PLXNA2: variants seen among roughly 807,000 people sequenced by gnomAD.
PLXNA2 encodes plexin-A2.
PLXNA2 carries 91 observed loss-of-function variants against 193.5 expected under a neutral mutation model. That is an observed-to-expected ratio of 0.47 (90% CI 0.40 to 0.56). The LOEUF (loss-of-function observed/expected upper bound fraction) is 0.56, where lower values mean the gene tolerates loss of function less well. PLXNA2 is among the 20% of genes least tolerant of loss of function. The probability of loss-of-function intolerance (pLI) is 0.00; values close to 1 mark genes in which losing one functional copy is unlikely to be tolerated. For missense variants in PLXNA2, 1,995 were observed against 2,503.2 expected, an observed-to-expected ratio of 0.80 and a Z score of 4.33; for synonymous variants, 997 against 1,027.3, an observed-to-expected ratio of 0.97 and a Z score of 0.56.
At chr1:208,040,808 G>T (rs1664843595) in intron 22 of PLXNA2, among the ~76,000 whole-genome samples, 1 of 152,244 alleles carries the variant, frequency 6.6e-6, no homozygotes, top group South Asian at 2.1e-4. Context: ...GTGCTTAAGT[G>T]TTTTGCCAAC....
intron 18 of PLXNA2, among the ~76,000 whole-genome samples, chr1:208,045,543 T>C (rs1303923486): frequency 6.6e-6 from 1 of 152,208 alleles, no homozygotes; most frequent in Non-Finnish European, 1.5e-5. Flanking sequence ...TGCCAGGGAC[T>C]GTGACCTCTG....
intron 12 of PLXNA2, among the ~76,000 whole-genome samples, chr1:208,066,665 T>TAA (rs35157125): frequency 1.3e-5 from 2 of 151,880 alleles, no homozygotes; most frequent in Admixed American, 6.6e-5. Context: ...TCTACTTATT[T>TAA]AAAAAAAGCT....
At chr1:208,130,583 G>T (rs1473663674) in intron 4 of PLXNA2, among the ~76,000 whole-genome samples, 1 of 152,182 alleles carries the variant, frequency 6.6e-6, no homozygotes, top group Non-Finnish European at 1.5e-5. Flanking sequence ...CAATGTCATT[G>T]CCGCAAGGGG....
intron 3 of PLXNA2, among the ~76,000 whole-genome samples, chr1:208,203,409 G>A (rs369753333): frequency 2.0e-5 from 3 of 152,136 alleles, no homozygotes; most frequent in South Asian, 2.1e-4. Context: ...TCAGATGGGC[G>A]GTCTCAGGTC....
Position 208,217,094 on chromosome 1 carries a change from T to G in PLXNA2, c.829A>C (p.Thr277Pro). ...TTGCAGAGCCGCACGATGCGTGAGG[T>G]GTAGAAGAGGTCTCCAGCGGAGTTG... is the stretch of plus-strand genomic sequence containing the variant. ...AINSAGDLFYTSRIVRLCKDD... is the reference protein window; with the variant it reads ...AINSAGDLFYPSRIVRLCKDD... The change falls in exon 2 of 32, where the codon ACC (threonine) becomes CCC (proline). Residue 277 changes from threonine (T) to proline (P), a missense_variant. By Grantham distance (38) the Thr-to-Pro change is conservative (BLOSUM62 -1). Transcript: ENST00000367033. The surrounding 1 kb of genome is among the most constrained non-coding windows in gnomAD (Gnocchi z 4.7). 2 of 1,613,860 alleles carry G rather than the reference T, an allele frequency of 1.2e-6. No individual in the cohort carries two copies. Among genetic ancestry groups the G allele is most frequent in the Non-Finnish European group, 1.7e-6 (2 of 1,179,970 alleles).
chr1:208,147,552 C>T (rs891836301), intron 3 of PLXNA2, among the ~76,000 whole-genome samples: 3 of 152,218 alleles, frequency 2.0e-5, no homozygotes, highest in South Asian at 2.1e-4. Context: ...CACAGTGCTA[C>T]GTGCTGTCAC....
chr1:208,084,548 G>C lies in PLXNA2; in HGVS notation c.2130C>G (p.Ile710Met). ...DCPQLVPTEEILIPVGEVKPI... is the reference protein window; with the variant it reads ...DCPQLVPTEEMLIPVGEVKPI... ...GCTTTACCTCCCCGACTGGAATCAA[G>C]ATCTCCTCTGTGGGCACCAGCTGGG... The change falls in exon 10 of 32, where the codon ATC (isoleucine) becomes ATG (methionine). Residue 710 changes from isoleucine to methionine, a missense_variant. Physicochemically the swap from Ile to Met is conservative, Grantham distance 10 (BLOSUM62 1). This residue lies in a region of PLXNA2 where 1,291 missense variants were observed against 1,673.6 expected (regional missense o/e 0.77). Coordinates refer to ENST00000367033, the MANE Select transcript of PLXNA2 (RefSeq NM_025179.4). The C allele has an allele frequency of 6.2e-7, 1 of 1,614,240 alleles. No individual in the cohort carries two copies. Among genetic ancestry groups the C allele is most frequent in the Non-Finnish European group, 8.5e-7 (1 of 1,180,028 alleles).
chr1:208,036,403 G>T (rs1299812200), intron 26 of PLXNA2, among the ~76,000 whole-genome samples: 1 of 152,202 alleles, frequency 6.6e-6, no homozygotes, highest in Non-Finnish European at 1.5e-5. Context: ...ACCAACAGGT[G>T]GTGCAAGTCC....
At chr1:208,225,100 G>A (rs1389622719) in intron 1 of PLXNA2, among the ~76,000 whole-genome samples, 2 of 152,140 alleles carry the variant, frequency 1.3e-5, no homozygotes, top group Non-Finnish European at 2.9e-5. Flanking sequence ...ACATATGTGC[G>A]TGACAGTGAG....
At chr1:208,191,596 G>C (rs1324785587) in intron 3 of PLXNA2, among the ~76,000 whole-genome samples, 1 of 152,194 alleles carries the variant, frequency 6.6e-6, no homozygotes, top group African/African-American at 2.4e-5. Flanking sequence ...GAGCCTGGGA[G>C]GCAGAAATTA....
intron 3 of PLXNA2, among the ~76,000 whole-genome samples, chr1:208,184,184 C>T (rs1206734584): frequency 6.6e-6 from 1 of 152,046 alleles, no homozygotes; most frequent in Admixed American, 6.6e-5. Flanking sequence ...GGCTAACTGG[C>T]CCAGAGGATA....
rs1666442736 is a variant in PLXNA2, at chr1:208,084,398, A to T, written c.2280T>A (p.Val760=). The T allele has an allele frequency of 6.2e-7, 1 of 1,614,138 alleles. No individual in the cohort carries two copies. Among genetic ancestry groups the T allele is most frequent in the South Asian group, 1.1e-5 (1 of 91,088 alleles). The change falls in exon 10 of 32, where the codon GTT becomes GTA. Residue 760 remains valine (V), a synonymous_variant. Transcript: ENST00000367033. The stretch of plus-strand genomic sequence containing the variant: ...TTCTTACCGAGCTGTTCTGACACTG[A>T]ACGCTGGAGCTGTTGAAGCGCAGAG... The part of the protein sequence containing the change: ...VPALRFNSSS[V]QCQNSSYQYD...
intron 9 of PLXNA2, among the ~76,000 whole-genome samples, chr1:208,085,139 T>G (rs1010857028): frequency 1.3e-5 from 2 of 152,114 alleles, no homozygotes; most frequent in Non-Finnish European, 2.9e-5. Flanking sequence ...AATGCCATGT[T>G]GCTTTGGAAA....
rs575561862 is a variant in PLXNA2, at chr1:208,136,674, G to C, written c.1506+5655C>G. ...TCCTGGATTTTTAAAATAAATACCA[G>C]ATTATGGGAGACTCAGCTCAGTGCT... On this transcript the variant is annotated intron_variant, in intron 4 of 31. Coordinates refer to ENST00000367033, the MANE Select transcript of PLXNA2 (RefSeq NM_025179.4). 7.2e-5 allele frequency among the ~76,000 whole-genome samples: 11 copies of C among 152,350 alleles called. 1 individual carries two copies. Among genetic ancestry groups the C allele is most frequent in the African/African-American group, 2.4e-4 (10 of 41,582 alleles).
At chr1:208,170,445 C>T (rs1384631076) in intron 3 of PLXNA2, among the ~76,000 whole-genome samples, 2 of 152,178 alleles carry the variant, frequency 1.3e-5, no homozygotes, top group African/African-American at 4.8e-5. Context: ...GGATCTGAAC[C>T]ACGGCCAGGA....
Position 208,023,960 on chromosome 1 carries a change from G to A in PLXNA2, c.*3283C>T, listed in dbSNP as rs984201930. The stretch of plus-strand genomic sequence containing the variant: ...CCTCTGCCAATGGGGGATCAAAATG[G>A]TTTTGAGAGCCCTGCTGTGGAGAGA... On this transcript the variant is annotated 3_prime_UTR_variant, in exon 32 of 32. Coordinates refer to ENST00000367033, the MANE Select transcript of PLXNA2 (RefSeq NM_025179.4). The A allele has an allele frequency of 6.6e-6, 1 of 152,304 alleles. No individual in the cohort carries two copies. Among genetic ancestry groups the A allele is most frequent in the Non-Finnish European group, 1.5e-5 (1 of 68,108 alleles). The allele number at this position is 152,304 out of a possible 1,614,324, so 9.4% of individuals were successfully genotyped here. A position where few individuals can be genotyped will look rare whatever the true frequency, so the allele number is the denominator to read the frequency against.
intron 3 of PLXNA2, among the ~76,000 whole-genome samples, chr1:208,153,066 TA>T (rs956164512): frequency 3.9e-5 from 6 of 152,128 alleles, no homozygotes; most frequent in African/African-American, 1.4e-4. Flanking sequence ...TCGTATGCCT[TA>T]CTACACTTGG....
chr1:208,198,924 A>G (rs1052158773), intron 3 of PLXNA2, among the ~76,000 whole-genome samples: 1 of 152,214 alleles, frequency 6.6e-6, no homozygotes, highest in Non-Finnish European at 1.5e-5. Flanking sequence ...TGTTATATGT[A>G]AAATGGAAAC....
At chr1:208,179,040 C>G (rs150280433) in intron 3 of PLXNA2, among the ~76,000 whole-genome samples, 3 of 152,204 alleles carry the variant, frequency 2.0e-5, no homozygotes, top group African/African-American at 7.2e-5. Context: ...CCCTGACACA[C>G]AGCATCCCCA....
Sources: gnomAD v4.1 joint callset for allele counts (sites outside exome capture counted in the v4.1 genomes callset) on GRCh38, gnomAD v4.1.1 for gene constraint, gnomAD v4.1.1 regional missense constraint, Gnocchi (gnomAD v3.1) non-coding constraint, MANE v1.5 for transcripts, NCBI Gene and HGNC (gene_info 2026-07-23, HGNC 2026-07-21) for gene names.